PPFIA2: variants seen among roughly 807,000 people sequenced by gnomAD.
The protein encoded by PPFIA2 is liprin-alpha-2.
PPFIA2 carries 46 observed loss-of-function variants against 175.5 expected under a neutral mutation model. That is an observed-to-expected ratio of 0.26 (90% confidence interval 0.21 to 0.34). The LOEUF is 0.34. PPFIA2 is among the 10% of genes least tolerant of loss of function. The probability of loss-of-function intolerance (pLI) is 1.00; values close to 1 mark genes in which losing one functional copy is unlikely to be tolerated. For missense variants in PPFIA2, 1,179 were observed against 1,506.1 expected (o/e 0.78, Z 3.60); for synonymous variants, 568 against 511.4 (o/e 1.11, Z -1.49).
At position 81,341,092 on chromosome 12, in the gene PPFIA2, G is replaced by A. The variant is rs993832155; in HGVS notation, c.2379C>T (p.His793=). ...CAGAGTCTTACCTTCGAGCATCATTGTGGTAGGAAGAAGGGAGAGTGTGAG... is the reference window on the plus strand; with the variant it reads ...CAGAGTCTTACCTTCGAGCATCATTATGGTAGGAAGAAGGGAGAGTGTGAG... ...RMTHTLPSSY[H]NDARSSLSVS... Residue 793 remains histidine, a synonymous_variant, in exon 20 of 33, where the codon CAC becomes CAT. Transcript: ENST00000549396. The A allele has an allele frequency of 6.2e-7, 1 of 1,610,430 alleles. No homozygotes were observed. Among genetic ancestry groups the A allele is most frequent in the Non-Finnish European group, 8.5e-7 (1 of 1,177,138 alleles).
At chr12:81,569,106 G>C (rs1026706043) in intron 4 of PPFIA2, among the ~76,000 whole-genome samples, 3 of 152,064 alleles carry the variant, frequency 2.0e-5, no homozygotes, top group African/African-American at 7.2e-5. Context: ...CATTCATTTT[G>C]AATCATGATT....
intron 7 of PPFIA2, among the ~76,000 whole-genome samples, chr12:81,434,498 AGAT>A (rs1451077353): frequency 1.3e-5 from 2 of 152,126 alleles, no homozygotes. Flanking sequence ...ATATGGAAAA[AGAT>A]GAGAGTAAAC....
intron 4 of PPFIA2, among the ~76,000 whole-genome samples, chr12:81,514,550 G>T (rs897159326): frequency 1.3e-5 from 2 of 151,672 alleles, no homozygotes; most frequent in Non-Finnish European, 3.0e-5. Flanking sequence ...GACATTTTTG[G>T]AGGTATGCAC....
At chr12:81,309,528 T>A (rs1487547148) in intron 22 of PPFIA2, among the ~76,000 whole-genome samples, 1 of 152,134 alleles carries the variant, frequency 6.6e-6, no homozygotes, top group Admixed American at 6.5e-5. Flanking sequence ...ATTTTGTGTA[T>A]GTGCAAGTGC....
chr12:81,662,146 A>T (rs989010962), intron 4 of PPFIA2, among the ~76,000 whole-genome samples: 2 of 152,164 alleles, frequency 1.3e-5, no homozygotes, highest in African/African-American at 4.8e-5. Flanking sequence ...AGAACTAGAG[A>T]AGCAAGAGCA....
intron 3 of PPFIA2, among the ~76,000 whole-genome samples, chr12:81,712,496 G>C (rs998372919): frequency 1.3e-5 from 2 of 151,128 alleles, no homozygotes; most frequent in African/African-American, 2.4e-5. Context: ...AAGCAGTGTT[G>C]CCTAAGCTCC....
At chr12:81,475,143 A>C (rs188608199) in intron 4 of PPFIA2, among the ~76,000 whole-genome samples, 8 of 152,274 alleles carry the variant, frequency 5.3e-5, no homozygotes, top group Admixed American at 5.2e-4. Context: ...TGTCATACAA[A>C]CCTCTGTATC....
chr12:81,444,636 T>C (rs1450315245), intron 6 of PPFIA2, among the ~76,000 whole-genome samples: 3 of 151,934 alleles, frequency 2.0e-5, no homozygotes, highest in African/African-American at 7.2e-5. Flanking sequence ...CTCCACATAA[T>C]CCCCTGTTCT....
chr12:81,382,323 A>C (rs187615291), intron 9 of PPFIA2, among the ~76,000 whole-genome samples: 1 of 152,260 alleles, frequency 6.6e-6, no homozygotes, highest in East Asian at 1.9e-4. Flanking sequence ...CTTGTAGACC[A>C]CTGTGAGGGT....
intron 15 of PPFIA2, 136 bp downstream of exon 15, chr12:81,362,557 G>C (rs2031267590): frequency 1.9e-5 from 9 of 477,142 alleles, no homozygotes; most frequent in Non-Finnish European, 3.3e-5. Flanking sequence ...CTGCAAATCA[G>C]TGAAGAGTCA....
chr12:81,620,846 C>T (rs939546080), intron 4 of PPFIA2, among the ~76,000 whole-genome samples: 6 of 152,034 alleles, frequency 3.9e-5, no homozygotes, highest in Non-Finnish European at 7.4e-5. Context: ...ATATTAAGGT[C>T]ACTGAGATAC....
At chr12:81,435,904 A>C (rs1261054477) in intron 7 of PPFIA2, among the ~76,000 whole-genome samples, 1 of 152,158 alleles carries the variant, frequency 6.6e-6, no homozygotes, top group Non-Finnish European at 1.5e-5. Context: ...CTTACTCTTC[A>C]AGATGGCAAT....
At chr12:81,547,820 C>G (rs956823660) in intron 4 of PPFIA2, among the ~76,000 whole-genome samples, 1 of 152,102 alleles carries the variant, frequency 6.6e-6, no homozygotes, top group African/African-American at 2.4e-5. Flanking sequence ...ATGTAATAAA[C>G]AAGGAAATGG....
intron 28 of PPFIA2, among the ~76,000 whole-genome samples, chr12:81,274,009 C>T (rs1479392939): frequency 2.6e-5 from 4 of 151,898 alleles, no homozygotes; most frequent in Non-Finnish European, 5.9e-5. Flanking sequence ...GCTTTTCCTC[C>T]GAGTTTTCCT....
At chr12:81,619,801 A>G (rs1016494774) in intron 4 of PPFIA2, among the ~76,000 whole-genome samples, 1 of 152,178 alleles carries the variant, frequency 6.6e-6, no homozygotes, top group African/African-American at 2.4e-5. Flanking sequence ...AAGGTTTAAT[A>G]TTCACGATAC....
Position 81,339,182 on chromosome 12 carries a change from A to G in PPFIA2, c.2546T>C (p.Leu849Pro). ...GKKEKARLGQ[L>P]RGFMETEAAA... ...AGTCTTAACACATGCATACTTACGG[A>G]GCTGCCCAAGTCGAGCTTTTTCTTT... Residue 849 changes from leucine to proline, a missense_variant and splice_region_variant, in exon 21 of 33, where the codon CTC (leucine) becomes CCC (proline). Physicochemically the swap from Leu to Pro is moderately conservative, Grantham distance 98. This residue lies in a region of PPFIA2 where 223 missense variants were observed against 241.6 expected (regional missense o/e 0.92). Coordinates refer to ENST00000549396, the MANE Select transcript of PPFIA2 (RefSeq NM_003625.5). 1.9e-6 allele frequency: 3 copies of G among 1,594,918 alleles called. No homozygotes were observed. Among genetic ancestry groups the G allele is most frequent in the Non-Finnish European group, 2.6e-6 (3 of 1,171,072 alleles).
At chr12:81,717,413 C>A (rs991628325) in intron 3 of PPFIA2, among the ~76,000 whole-genome samples, 2 of 151,652 alleles carry the variant, frequency 1.3e-5, no homozygotes, top group Non-Finnish European at 3.0e-5. Flanking sequence ...TGCAGGAAAT[C>A]CAACACTGGT....
At chr12:81,300,732 A>C (rs553473747) in intron 22 of PPFIA2, among the ~76,000 whole-genome samples, 115 of 152,258 alleles carry the variant, frequency 7.6e-4, no homozygotes, top group African/African-American at 2.6e-3. Flanking sequence ...ATCATCCTCC[A>C]TTCCCTCAGG....
At chr12:81,423,951 C>T (rs1044982632) in intron 7 of PPFIA2, among the ~76,000 whole-genome samples, 2 of 151,836 alleles carry the variant, frequency 1.3e-5, no homozygotes, top group Non-Finnish European at 2.9e-5. Context: ...CACACACAAA[C>T]AACAATATAA....
Sources: allele counts gnomAD v4.1 joint callset (sites outside exome capture counted in the v4.1 genomes callset), GRCh38; gene constraint gnomAD v4.1.1; regional missense constraint gnomAD v4.1.1; transcripts MANE v1.5; gene names NCBI Gene and HGNC (gene_info 2026-07-23, HGNC 2026-07-21).